ZNF385D: variants seen among roughly 807,000 people sequenced by gnomAD.
ZNF385D encodes zinc finger protein 659.
ZNF385D carries 15 observed loss-of-function variants against 35.8 expected under a neutral mutation model. The ratio of observed to expected loss-of-function variants is 0.42; its 90% CI spans 0.28 to 0.64. The LOEUF (loss-of-function observed/expected upper bound fraction) is 0.64. Ranked by LOEUF, ZNF385D falls within the 30% of genes least tolerant of loss-of-function variation. The pLI is 0.23. For synonymous variants in ZNF385D, 212 were observed against 186.8 expected (o/e 1.13, Z -1.10); for missense variants, 474 against 494.6 (o/e 0.96, Z 0.39).
chr3:21,806,930 T>C (rs890779095), intron 3 of ZNF385D, among the ~76,000 whole-genome samples: 1 of 152,172 alleles, frequency 6.6e-6, no homozygotes, highest in Non-Finnish European at 1.5e-5. Flanking sequence ...CACATATTTA[T>C]CTCCAAACAG....
At chr3:21,824,715 T>A (rs548616446) in intron 3 of ZNF385D, among the ~76,000 whole-genome samples, 3 of 152,258 alleles carry the variant, frequency 2.0e-5, no homozygotes, top group Non-Finnish European at 4.4e-5. Flanking sequence ...GGCATCCCCA[T>A]CATACTGGAG....
chr3:21,838,420 T>C (rs17009715), intron 3 of ZNF385D, among the ~76,000 whole-genome samples: 4,868 of 152,198 alleles, frequency 0.032, 114 homozygotes, highest in East Asian at 0.06. Context: ...CTTCTCATAA[T>C]GAATTTAGAT....
At chr3:22,372,111 C>T (rs1696935913) in intron 2 of ZNF385D, among the ~76,000 whole-genome samples, 1 of 151,494 alleles carries the variant, frequency 6.6e-6, no homozygotes, top group Non-Finnish European at 1.5e-5. Flanking sequence ...CAGAACCAGG[C>T]TGACCTCGCC....
Position 22,348,717 on chromosome 3 carries a change from G to A in ZNF385D, c.106+23733C>T, listed in dbSNP as rs539075834. Among the ~76,000 whole-genome samples the A allele has an allele frequency of 7.9e-5, 12 of 151,986 alleles. No individual in the cohort carries two copies. In the East Asian group the frequency reaches 1.6e-3, roughly 20 times the overall value. ...GAGGGAGGGAGGGAGGAGAGAGAAA[G>A]TAGGGTACAGGCACTTATAGGGGAA... is the stretch of plus-strand genomic sequence containing the variant. On this transcript the variant is annotated intron_variant, in intron 2 of 5. Transcript: ENST00000494108.
intron 3 of ZNF385D, among the ~76,000 whole-genome samples, chr3:21,952,912 G>T (rs772635058): frequency 6.6e-6 from 1 of 151,912 alleles, no homozygotes; most frequent in Non-Finnish European, 1.5e-5. Flanking sequence ...AAATGTTCAC[G>T]GTCTATAAAC....
chr3:21,594,285 A>C (rs1413664554), intron 2 of ZNF385D, among the ~76,000 whole-genome samples: 2 of 152,168 alleles, frequency 1.3e-5, no homozygotes, highest in Non-Finnish European at 2.9e-5. Flanking sequence ...GCTAGCTAAT[A>C]GATGGGGTCT....
At chr3:22,029,860 G>A (rs369050527) in intron 3 of ZNF385D, among the ~76,000 whole-genome samples, 31 of 152,116 alleles carry the variant, frequency 2.0e-4, no homozygotes, top group African/African-American at 7.5e-4. Flanking sequence ...AGTTGACAAG[G>A]GGTGGACTTG....
intron 3 of ZNF385D, among the ~76,000 whole-genome samples, chr3:21,536,370 A>T (rs554627430): frequency 6.6e-6 from 1 of 152,090 alleles, no homozygotes; most frequent in African/African-American, 2.4e-5. Flanking sequence ...ACCAAGAATG[A>T]ATTGGGGCAA....
At chr3:22,080,850 G>C (rs529016932) in intron 3 of ZNF385D, among the ~76,000 whole-genome samples, 91 of 152,062 alleles carry the variant, frequency 6.0e-4, no homozygotes, top group Non-Finnish European at 1.2e-3. Flanking sequence ...CTCCACGTGA[G>C]GACACAGTAA....
At chr3:22,258,711 C>A (rs147544715) in intron 2 of ZNF385D, among the ~76,000 whole-genome samples, 166 of 151,542 alleles carry the variant, frequency 1.1e-3, no homozygotes, top group African/African-American at 3.7e-3. Flanking sequence ...TTTGCCACAT[C>A]AGAAATGAAA....
At chr3:21,671,982 A>G (rs893262052) in intron 1 of ZNF385D, among the ~76,000 whole-genome samples, 3 of 152,186 alleles carry the variant, frequency 2.0e-5, no homozygotes, top group Non-Finnish European at 4.4e-5. Context: ...TCGGATAAAT[A>G]AATATGTGTT....
chr3:22,040,399 G>A (rs1698590096), intron 3 of ZNF385D, among the ~76,000 whole-genome samples: 1 of 152,030 alleles, frequency 6.6e-6, no homozygotes, highest in Non-Finnish European at 1.5e-5. Context: ...TAATTAATAT[G>A]TCCAACATCA....
chr3:21,554,808 C>A (rs1254556919), intron 3 of ZNF385D, among the ~76,000 whole-genome samples: 4 of 152,142 alleles, frequency 2.6e-5, no homozygotes, highest in African/African-American at 9.7e-5. Context: ...CTTTAAACCT[C>A]ATGAACCAAC....
At chr3:21,965,707 T>C in intron 3 of ZNF385D, among the ~76,000 whole-genome samples, 1 of 152,214 alleles carries the variant, frequency 6.6e-6, no homozygotes, top group Non-Finnish European at 1.5e-5. Context: ...CAATGTTATA[T>C]CAACATTAAA....
At chr3:22,132,528 T>G (rs868544973) in intron 3 of ZNF385D, among the ~76,000 whole-genome samples, 1 of 152,148 alleles carries the variant, frequency 6.6e-6, no homozygotes. Flanking sequence ...CAGAGGATAG[T>G]TGGCAGAATC....
At chr3:21,687,134 A>G (rs1013570659) in intron 1 of ZNF385D, among the ~76,000 whole-genome samples, 1 of 152,168 alleles carries the variant, frequency 6.6e-6, no homozygotes, top group Admixed American at 6.5e-5. Context: ...GTAAGAGGTT[A>G]TACAAACGGA....
intron 1 of ZNF385D, among the ~76,000 whole-genome samples, chr3:21,746,284 A>G (rs189487981): frequency 3.3e-5 from 5 of 152,368 alleles, no homozygotes; most frequent in Admixed American, 6.5e-5. Context: ...TCATTTCCAT[A>G]TAATTACAAC....
chr3:21,852,025 A>G (rs1022282291), intron 3 of ZNF385D, among the ~76,000 whole-genome samples: 1 of 151,924 alleles, frequency 6.6e-6, no homozygotes, highest in African/African-American at 2.4e-5. Context: ...AGCAAAATCA[A>G]AACTTCTTAT....
At chr3:21,670,512 G>A (rs973391056) in intron 1 of ZNF385D, among the ~76,000 whole-genome samples, 2 of 151,638 alleles carry the variant, frequency 1.3e-5, no homozygotes, top group Admixed American at 1.3e-4. Context: ...TGTCCACCGG[G>A]CAAGAGAGGG....
Sources: allele counts gnomAD v4.1 joint callset (sites outside exome capture counted in the v4.1 genomes callset), GRCh38; gene constraint gnomAD v4.1.1; transcripts MANE v1.5; gene names NCBI Gene and HGNC (gene_info 2026-07-23, HGNC 2026-07-21).